LGALS3BP: variants seen among roughly 807,000 people sequenced by gnomAD.
The protein encoded by LGALS3BP is galectin 3 binding protein.
In LGALS3BP, 25 loss-of-function variants were observed where a neutral mutation model predicts 22.9. That is an observed-to-expected ratio of 1.09 (90% CI 0.80 to 1.53). The LOEUF (loss-of-function observed/expected upper bound fraction) is 1.53, where lower values mean the gene tolerates loss of function less well. LGALS3BP is among the 40% of genes most tolerant of loss of function. The pLI is 0.00. For synonymous variants in LGALS3BP, 335 were observed against 331.1 expected (o/e 1.01, Z -0.13); for missense variants, 718 against 752.0 (o/e 0.95, Z 0.53).
In LGALS3BP at chr17:78,971,812, T is replaced by G; in HGVS notation, c.1522A>C (p.Lys508Gln). Reference sequence around the variant, plus strand: ...ATGGTGCGATCTGAGCCGCCAGACTTGGTGAGGCCCAGGACAGGGAGCTCG... The same window carrying G: ...ATGGTGCGATCTGAGCCGCCAGACTGGGTGAGGCCCAGGACAGGGAGCTCG... Reference protein sequence around the residue: ...SDELPVLGLTKSGGSDRTIAY... With the variant: ...SDELPVLGLTQSGGSDRTIAY... Residue 508 changes from lysine to glutamine, a missense_variant, in exon 6 of 6, where the codon AAG (lysine) becomes CAG (glutamine). Transcript: ENST00000262776. The surrounding 1 kb of genome is among the most constrained non-coding windows in gnomAD (Gnocchi z 5.6). 6.2e-7 allele frequency: 1 copy of G among 1,614,050 alleles called. No homozygotes were observed. The highest frequency in any genetic ancestry group is 8.5e-7 in the Non-Finnish European group (1 of 1,180,016).
intron 4 of LGALS3BP, among the ~76,000 whole-genome samples, chr17:78,974,326 G>A (rs932611420): frequency 1.3e-5 from 2 of 152,272 alleles, no homozygotes; most frequent in Non-Finnish European, 2.9e-5. Flanking sequence ...GCCAGGACGG[G>A]CTTGAGCCTG....
chr17:78,972,293 G>T lies in LGALS3BP; in HGVS notation c.1041C>A (p.Arg347=), dbSNP rs1490802153. ...GCTCCTCAGGGAGCATCATGGGGAA[G>T]CGGATCTTCTCCACCAAGCCCTCCA... ...EEVEGLVEKI[R]FPMMLPEELF... The change falls in exon 6 of 6, where the codon CGC becomes CGA. Residue 347 remains arginine, a synonymous_variant. Transcript: ENST00000262776. This position sits in a 1 kb window ranked among gnomAD's most constrained non-coding sequence, Gnocchi z 5.1. 1.2e-5 allele frequency: 19 copies of T among 1,613,232 alleles called. No individual in the cohort carries two copies. In the Admixed American group the frequency reaches 3.2e-4, roughly 27 times the overall value.
chr17:78,977,007 G>T, intron 2 of LGALS3BP, 133 bp downstream of exon 2: 1 of 891,172 alleles, frequency 1.1e-6, no homozygotes, highest in Non-Finnish European at 1.8e-6. Flanking sequence ...GGTGCTTCAA[G>T]CAGGAGAGAA....
At chr17:78,978,095 A>C (rs887368490) in intron 1 of LGALS3BP, among the ~76,000 whole-genome samples, 1 of 152,148 alleles carries the variant, frequency 6.6e-6, no homozygotes, top group Non-Finnish European at 1.5e-5. Flanking sequence ...CTGTCCCCTC[A>C]GTTCAGCAAG....
Position 78,971,458 on chromosome 17 carries a change from C to T in LGALS3BP, c.*118G>A, listed in dbSNP as rs1197348763. 5 of 906,140 alleles carry T rather than the reference C, an allele frequency of 5.5e-6. No individual in the cohort carries two copies. In the East Asian group the frequency reaches 7.9e-5, roughly 14 times the overall value. 56.1% of individuals were successfully genotyped at this position (906,140 alleles called of 1,614,324 possible). A position where few individuals can be genotyped will look rare whatever the true frequency, so the allele number is the denominator to read the frequency against. ...AAGCTGAGCGCTCAGGTGAGTAGGG[C>T]GACATCTGGTGGCCGGTTGTTGAAG... On this transcript the variant is annotated 3_prime_UTR_variant, in exon 6 of 6. Transcript: ENST00000262776. This position sits in a 1 kb window ranked among gnomAD's most constrained non-coding sequence, Gnocchi z 5.6.
intron 1 of LGALS3BP, among the ~76,000 whole-genome samples, chr17:78,977,746 G>A (rs969630774): frequency 3.3e-5 from 5 of 152,206 alleles, no homozygotes; most frequent in Non-Finnish European, 7.3e-5. Context: ...GTCAGGAGAG[G>A]GCACAGAATC....
rs201810212 is a variant in LGALS3BP, at chr17:78,971,595, T to G, written c.1739A>C (p.Asn580Thr). The stretch of plus-strand genomic sequence containing the variant: ...CGCCGTCTAGTCCACACCTGAGGAG[T>G]TGGTCAGGTAGAAGGGGCGGATGAC... ...RTVIRPFYLT[N>T]SSGVD The change falls in exon 6 of 6, where the codon AAC becomes ACC. Residue 580 changes from asparagine (N) to threonine (T), a missense_variant. Asn to Thr is a moderately conservative substitution (Grantham distance 65). Transcript: ENST00000262776. The surrounding 1 kb of genome is among the most constrained non-coding windows in gnomAD (Gnocchi z 5.6). The G allele has an allele frequency of 8.4e-5, 135 of 1,612,916 alleles. No individual in the cohort carries two copies. The highest frequency in any genetic ancestry group is 1.1e-4 in the Non-Finnish European group (129 of 1,179,832).
chr17:78,974,583 C>A lies in LGALS3BP; in HGVS notation c.376+105G>T, dbSNP rs994171991. The A allele has an allele frequency of 2.9e-6, 4 of 1,371,054 alleles. No individual in the cohort carries two copies. In the African/African-American group the frequency reaches 5.7e-5, roughly 20 times the overall value. 84.9% of individuals were successfully genotyped at this position (1,371,054 alleles called of 1,614,324 possible). ...AGTGGGCAGGCGGTAGTGGAAGGAACCTTTGTGTGCTTCATGTGCGTGGGG... is the reference window on the plus strand; with the variant it reads ...AGTGGGCAGGCGGTAGTGGAAGGAAACTTTGTGTGCTTCATGTGCGTGGGG... On this transcript the variant is annotated intron_variant, in intron 4 of 5. Transcript: ENST00000262776.
Position 78,971,327 on chromosome 17 carries a change from T to C in LGALS3BP, c.*249A>G. 1.8e-6 allele frequency: 1 copy of C among 547,712 alleles called. No individual in the cohort carries two copies. The highest frequency in any genetic ancestry group is 3.0e-5 in the East Asian group (1 of 32,988). The allele number at this position is 547,712 out of a possible 1,614,324, so 33.9% of individuals were successfully genotyped here. A position where few individuals can be genotyped will look rare whatever the true frequency, so the allele number is the denominator to read the frequency against. ...AGACTGACCAGGGGCTGTGGGGGGA[T>C]CCCAGAGCAACCTCGAGGGCGTCCT... is the stretch of plus-strand genomic sequence containing the variant. On this transcript the variant is annotated 3_prime_UTR_variant, in exon 6 of 6. Coordinates refer to ENST00000262776, the MANE Select transcript of LGALS3BP (RefSeq NM_005567.4). This position sits in a 1 kb window ranked among gnomAD's most constrained non-coding sequence, Gnocchi z 5.6.
At chr17:78,975,865 T>C in intron 3 of LGALS3BP, 100 bp downstream of exon 3, 1 of 640,930 alleles carries the variant, frequency 1.6e-6, no homozygotes, top group Admixed American at 3.7e-5. Context: ...AATTTGCATG[T>C]CTTTGAAACC....
Position 78,976,229 on chromosome 17 carries a change from G to A in LGALS3BP, c.53-73C>T. On this transcript the variant is annotated intron_variant, in intron 2 of 5. Transcript: ENST00000262776. This position sits in a 1 kb window ranked among gnomAD's most constrained non-coding sequence, Gnocchi z 4.6. ...CCGCCCACACCTCCAGGCCCCATAT[G>A]CTGTCCTGGGTCTCCCCTGCTGAGC... 1 of 1,320,502 alleles carries A rather than the reference G, an allele frequency of 7.6e-7. No individual in the cohort carries two copies. The allele number at this position is 1,320,502 out of a possible 1,614,324, so 81.8% of individuals were successfully genotyped here. A position where few individuals can be genotyped will look rare whatever the true frequency, so the allele number is the denominator to read the frequency against.
In LGALS3BP at chr17:78,973,898, C is replaced by A. The variant is rs1360316188; in HGVS notation, c.377-676G>T. Among the ~76,000 whole-genome samples, 1 of 152,266 alleles carries A rather than the reference C, an allele frequency of 6.6e-6. No homozygotes were observed. The highest frequency in any genetic ancestry group is 2.4e-5 in the African/African-American group (1 of 41,472). On this transcript the variant is annotated intron_variant, in intron 4 of 5. Transcript: ENST00000262776. The surrounding 1 kb of genome is among the most constrained non-coding windows in gnomAD (Gnocchi z 5.8). ...CTGAGCCACCGCAGGACCCCCAGCT[C>A]CCTCCCACCTGCACGCCTTACCACA...
In LGALS3BP at chr17:78,973,417, T is replaced by A; in HGVS notation, c.377-195A>T. The A allele has an allele frequency of 1.5e-6, 1 of 654,626 alleles. No individual in the cohort carries two copies. The highest frequency in any genetic ancestry group is 2.5e-6 in the Non-Finnish European group (1 of 399,038). The allele number at this position is 654,626 out of a possible 1,614,324, so 40.6% of individuals were successfully genotyped here. On this transcript the variant is annotated intron_variant, in intron 4 of 5. Coordinates refer to ENST00000262776, the MANE Select transcript of LGALS3BP (RefSeq NM_005567.4). This position sits in a 1 kb window ranked among gnomAD's most constrained non-coding sequence, Gnocchi z 5.8. The stretch of plus-strand genomic sequence containing the variant: ...CCTGAGGCCCCGCCCCTTCCAGCCC[T>A]GGGGAACAAGAGCAGCTAGGACCTG...
At position 78,971,879 on chromosome 17, in the gene LGALS3BP, G is replaced by A; in HGVS notation, c.1455C>T (p.Thr485=). 6.2e-7 allele frequency: 1 copy of A among 1,614,194 alleles called. No individual in the cohort carries two copies. Among genetic ancestry groups the A allele is most frequent in the South Asian group, 1.1e-5 (1 of 91,082 alleles). ...AGCCGTAGTTCCAGCAGCTCTGGAT[G>A]GTGGGGAGGTAGACCAGGGACCAGG... is the stretch of plus-strand genomic sequence containing the variant. ...RVSWSLVYLP[T]IQSCWNYGFS... Residue 485 remains threonine (T), a synonymous_variant, in exon 6 of 6, where the codon ACC becomes ACT. Transcript: ENST00000262776. The surrounding 1 kb of genome is among the most constrained non-coding windows in gnomAD (Gnocchi z 5.6).
chr17:78,973,332 T>C lies in LGALS3BP; in HGVS notation c.377-110A>G, dbSNP rs1364917265. ...AGGGATTTGTGGCTGCCTCATTCAC[T>C]CTGGAAGGCTCCTGGGAAGACGAGG... On this transcript the variant is annotated intron_variant, in intron 4 of 5. Coordinates refer to ENST00000262776, the MANE Select transcript of LGALS3BP (RefSeq NM_005567.4). The surrounding 1 kb of genome is among the most constrained non-coding windows in gnomAD (Gnocchi z 5.8). The C allele has an allele frequency of 2.1e-5, 27 of 1,259,418 alleles. No individual in the cohort carries two copies. The highest frequency in any genetic ancestry group is 3.2e-5 in the South Asian group (2 of 63,338). The allele number at this position is 1,259,418 out of a possible 1,614,324, so 78.0% of individuals were successfully genotyped here.
chr17:78,974,006 T>C (rs777037655), intron 4 of LGALS3BP, among the ~76,000 whole-genome samples: 19 of 152,180 alleles, frequency 1.2e-4, no homozygotes, highest in African/African-American at 2.2e-4. Context: ...GACAGCCCCA[T>C]GGCGTCTCCT....
chr17:78,974,588 G>A lies in LGALS3BP; in HGVS notation c.376+100C>T, dbSNP rs570650018. ...GCAGGCGGTAGTGGAAGGAACCTTT[G>A]TGTGCTTCATGTGCGTGGGGGGGTG... is the stretch of plus-strand genomic sequence containing the variant. On this transcript the variant is annotated intron_variant, in intron 4 of 5. Coordinates refer to ENST00000262776, the MANE Select transcript of LGALS3BP (RefSeq NM_005567.4). 245 of 1,394,514 alleles carry A rather than the reference G, an allele frequency of 1.8e-4. 1 individual carries two copies. The African/African-American group carries it at 3.2e-3, about 18-fold the overall frequency. The allele number at this position is 1,394,514 out of a possible 1,614,324, so 86.4% of individuals were successfully genotyped here. A position where few individuals can be genotyped will look rare whatever the true frequency, so the allele number is the denominator to read the frequency against.
Position 78,973,262 on chromosome 17 carries a change from C to A in LGALS3BP, c.377-40G>T, listed in dbSNP as rs1052351230. On this transcript the variant is annotated intron_variant, in intron 4 of 5. Transcript: ENST00000262776. This position sits in a 1 kb window ranked among gnomAD's most constrained non-coding sequence, Gnocchi z 5.8. ...GAGGGAAGTGGGCTGCGTTAGGAGC[C>A]GGGGCACTGCCACTCTCTGGGGTCA... is the stretch of plus-strand genomic sequence containing the variant. 6.8e-7 allele frequency: 1 copy of A among 1,460,996 alleles called. No homozygotes were observed. The highest frequency in any genetic ancestry group is 1.4e-5 in the South Asian group (1 of 73,436). The allele number at this position is 1,460,996 out of a possible 1,614,324, so 90.5% of individuals were successfully genotyped here.
rs1267171344 is a variant in LGALS3BP at position 78,976,170 on chromosome 17, C to T, written c.53-14G>A. 1 of 1,548,766 alleles carries T rather than the reference C, an allele frequency of 6.5e-7. No individual in the cohort carries two copies. Among genetic ancestry groups the T allele is most frequent in the East Asian group, 2.4e-5 (1 of 41,474 alleles). On this transcript the variant is annotated splice_polypyrimidine_tract_variant and intron_variant, in intron 2 of 5. Coordinates refer to ENST00000262776, the MANE Select transcript of LGALS3BP (RefSeq NM_005567.4). The surrounding 1 kb of genome is among the most constrained non-coding windows in gnomAD (Gnocchi z 4.6). Reference sequence around the variant, plus strand: ...CATCGTTCACGCCTGCAGGCAGAGACCAGCGAGGGCGAGGCTGGGGCCTGC... The same window carrying T: ...CATCGTTCACGCCTGCAGGCAGAGATCAGCGAGGGCGAGGCTGGGGCCTGC...
Sources: gnomAD v4.1 joint callset for allele counts (sites outside exome capture counted in the v4.1 genomes callset) on GRCh38, gnomAD v4.1.1 for gene constraint, Gnocchi (gnomAD v3.1) non-coding constraint, MANE v1.5 for transcripts, NCBI Gene and HGNC (gene_info 2026-07-23, HGNC 2026-07-21) for gene names.